Variants in FBXL2 observed in about 807,000 individuals in gnomAD.
FBXL2 encodes the protein F-box/LRR-repeat protein 2.
Under a neutral mutation model 69.2 loss-of-function variants are expected in FBXL2, and 38 were observed. That is an observed-to-expected ratio of 0.55 (90% CI 0.42 to 0.72). FBXL2 has a LOEUF of 0.72. Ranked by LOEUF, FBXL2 falls within the 30% of genes least tolerant of loss-of-function variation. The pLI is 0.00. For missense variants in FBXL2, 354 were observed against 520.3 expected (o/e 0.68, Z 3.11); for synonymous variants, 192 against 201.3 (o/e 0.95, Z 0.39).
chr3:33,400,649 T>C (rs573462799), intron 12 of FBXL2, among the ~76,000 whole-genome samples: 8 of 151,768 alleles, frequency 5.3e-5, no homozygotes, highest in Admixed American at 3.3e-4. Flanking sequence ...AGTGGAAAAA[T>C]AGGTAACAGA....
chr3:33,420,302 G>A, the FBXL2 span, among the ~76,000 whole-genome samples: 2 of 151,978 alleles, frequency 1.3e-5, no homozygotes, highest in African/African-American at 4.8e-5. Flanking sequence ...CTGTTTCTAG[G>A]GACTTATAGC....
At chr3:33,333,533 C>T (rs1323429001) in intron 2 of FBXL2, among the ~76,000 whole-genome samples, 1 of 152,170 alleles carries the variant, frequency 6.6e-6, no homozygotes, top group East Asian at 1.9e-4. Flanking sequence ...GTTTTAAAAT[C>T]ATACTTGTTA....
At chr3:33,399,953 C>T (rs528800095) in intron 12 of FBXL2, among the ~76,000 whole-genome samples, 1 of 152,132 alleles carries the variant, frequency 6.6e-6, no homozygotes, top group East Asian at 1.9e-4. Flanking sequence ...AATGAGGTCA[C>T]GTAAGTCTGG....
At chr3:33,327,999 A>G (rs1282757475) in intron 2 of FBXL2, among the ~76,000 whole-genome samples, 1 of 151,568 alleles carries the variant, frequency 6.6e-6, no homozygotes, top group Non-Finnish European at 1.5e-5. Flanking sequence ...CAAATTCACT[A>G]AAGTTGCAGG....
At chr3:33,397,334 G>C (rs999660756) in intron 12 of FBXL2, 7 of 430,192 alleles carry the variant, frequency 1.6e-5, no homozygotes, top group African/African-American at 1.4e-4. Flanking sequence ...TCCATGTCCT[G>C]TATCAAGAAG....
At chr3:33,326,517 A>AG (rs1348405421) in intron 2 of FBXL2, among the ~76,000 whole-genome samples, 1 of 151,912 alleles carries the variant, frequency 6.6e-6, no homozygotes, top group Non-Finnish European at 1.5e-5. Context: ...AAAAAAAAAA[A>AG]AAAGAAAAGA....
chr3:33,348,491 G>A (rs1354837275), intron 2 of FBXL2, among the ~76,000 whole-genome samples: 1 of 152,012 alleles, frequency 6.6e-6, no homozygotes, highest in Non-Finnish European at 1.5e-5. Flanking sequence ...GCTATATTCT[G>A]GGTCTTTTGT....
In FBXL2 at chr3:33,364,409, G is replaced by A. The variant is rs371686939; in HGVS notation, c.196-216G>A. The A allele has an allele frequency of 5.3e-6, 3 of 568,776 alleles. No individual in the cohort carries two copies. In the East Asian group the frequency reaches 9.0e-5, roughly 17 times the overall value. The allele number at this position is 568,776 out of a possible 1,614,324, so 35.2% of individuals were successfully genotyped here. ...TGTGTTTGTTTTTGTTTGTTGGTTG[G>A]TTTTAGAATACTTAATGCTTTAATT... On this transcript the variant is annotated intron_variant, in intron 4 of 14. Transcript: ENST00000484457.
intron 12 of FBXL2, among the ~76,000 whole-genome samples, chr3:33,402,577 C>G (rs981577630): frequency 3.9e-5 from 6 of 152,070 alleles, no homozygotes; most frequent in Non-Finnish European, 7.3e-5. Flanking sequence ...TCTACAATTA[C>G]CATAGTTGTG....
At chr3:33,297,168 A>G (rs1438149968) in intron 1 of FBXL2, among the ~76,000 whole-genome samples, 3 of 152,138 alleles carry the variant, frequency 2.0e-5, no homozygotes, top group South Asian at 4.1e-4. Flanking sequence ...TGTAAATGGG[A>G]TTGTTTTCTG....
downstream of FBXL2, among the ~76,000 whole-genome samples, chr3:33,404,239 C>T (rs932486318): frequency 1.3e-5 from 2 of 152,006 alleles, no homozygotes; most frequent in African/African-American, 2.4e-5. Flanking sequence ...GGTGACACCC[C>T]GTCTCTACTA....
upstream of FBXL2, chr3:33,277,425 C>T: frequency 8.1e-7 from 1 of 1,232,904 alleles, no homozygotes; most frequent in Non-Finnish European, 1.0e-6. Flanking sequence ...GGGGACGGGG[C>T]GGGGCGCCTG....
At chr3:33,393,915 T>C (rs540303060) in intron 12 of FBXL2, among the ~76,000 whole-genome samples, 7 of 152,342 alleles carry the variant, frequency 4.6e-5, no homozygotes, top group African/African-American at 1.7e-4. Flanking sequence ...GGGAGGACTT[T>C]ATGGTATGTA....
the FBXL2 span, among the ~76,000 whole-genome samples, chr3:33,421,045 G>T: frequency 6.6e-6 from 1 of 152,220 alleles, no homozygotes; most frequent in African/African-American, 2.4e-5. Context: ...CAGCAAGGGG[G>T]TAAGATCAGA....
chr3:33,397,621 T>A (rs2044056621), intron 12 of FBXL2: 1 of 152,340 alleles, frequency 6.6e-6, no homozygotes, highest in Non-Finnish European at 1.5e-5. Flanking sequence ...GGCCTCTTTA[T>A]TCTGAAACGT....
chr3:33,396,744 C>T, intron 12 of FBXL2: 1 of 569,408 alleles, frequency 1.8e-6, no homozygotes, highest in Non-Finnish European at 3.3e-6. Context: ...GTATAGCTCA[C>T]CTAAATTAGA....
chr3:33,392,551 CAT>C (rs766334070), downstream of FBXL2: 30 of 1,608,360 alleles, frequency 1.9e-5, no homozygotes, highest in Non-Finnish European at 2.5e-5. Flanking sequence ...GACACACACA[CAT>C]GCAAAGTACC....
At chr3:33,344,894 A>G (rs2040323991) in intron 2 of FBXL2, among the ~76,000 whole-genome samples, 4 of 152,228 alleles carry the variant, frequency 2.6e-5, no homozygotes, top group Admixed American at 2.6e-4. Flanking sequence ...CTACAGGATT[A>G]CTAACACTGA....
chr3:33,413,536 G>A, the FBXL2 span, among the ~76,000 whole-genome samples: 1 of 119,242 alleles, frequency 8.4e-6, no homozygotes, highest in African/African-American at 3.4e-5. Context: ...GACAGAGCGA[G>A]ACTCCATCAC....
Sources: gnomAD v4.1 joint callset for allele counts (sites outside exome capture counted in the v4.1 genomes callset) on GRCh38, gnomAD v4.1.1 for gene constraint, MANE v1.5 for transcripts, NCBI Gene and HGNC (gene_info 2026-07-23, HGNC 2026-07-21) for gene names.